Variants in WDR4 observed in about 807,000 individuals in gnomAD.
WDR4 encodes the protein tRNA (guanine-N(7)-)-methyltransferase non-catalytic subunit WDR4.
Under a neutral mutation model 48.6 loss-of-function variants are expected in WDR4, and 47 were observed. That is an observed-to-expected ratio of 0.97 (90% CI 0.77 to 1.23). WDR4 has a LOEUF of 1.23. Among genes scored for constraint, WDR4 ranks in the 50% most tolerant of loss-of-function variants. WDR4 has a pLI of 0.00. For missense variants in WDR4, 606 were observed against 551.6 expected (o/e 1.10, Z -0.99); for synonymous variants, 268 against 230.0 (o/e 1.17, Z -1.49).
At chr21:42,868,668 T>A (rs1235694899) in intron 3 of WDR4, among the ~76,000 whole-genome samples, 2 of 152,214 alleles carry the variant, frequency 1.3e-5, no homozygotes, top group Non-Finnish European at 2.9e-5. Context: ...GCAGCCTAAG[T>A]ACGTGATTTA....
intron 6 of WDR4, 106 bp downstream of exon 6, chr21:42,859,556 A>AACCAGGG: frequency 8.5e-6 from 5 of 587,130 alleles, no homozygotes; most frequent in Non-Finnish European, 1.0e-5. Flanking sequence ...AGCCACAGCC[A>AACCAGGG]GCCAGGGGCC....
intron 3 of WDR4, among the ~76,000 whole-genome samples, chr21:42,867,674 G>C (rs2058279691): frequency 6.6e-6 from 1 of 151,840 alleles, no homozygotes; most frequent in African/African-American, 2.4e-5. Flanking sequence ...GGAGGATTGT[G>C]AATTTCAGAT....
chr21:42,877,498 T>G (rs1601188841), intron 1 of WDR4, among the ~76,000 whole-genome samples: 1 of 152,062 alleles, frequency 6.6e-6, no homozygotes. Context: ...AAGTTGATTT[T>G]TTTTCTCTGT....
chr21:42,849,622 A>C lies in WDR4; in HGVS notation c.*427T>G, dbSNP rs2057765418. 1 of 164,172 alleles carries C rather than the reference A, an allele frequency of 6.1e-6. No individual in the cohort carries two copies. The highest frequency in any genetic ancestry group is 2.4e-5 in the African/African-American group (1 of 41,532). 10.2% of individuals were successfully genotyped at this position (164,172 alleles called of 1,614,324 possible). A position where few individuals can be genotyped will look rare whatever the true frequency, so the allele number is the denominator to read the frequency against. On this transcript the variant is annotated 3_prime_UTR_variant, in exon 11 of 11. Transcript: ENST00000398208. ...TGGCGAGCAGCTACTGCGGGACAGC[A>C]CGTCACCTGGATGCTGAGACGGCGG...
the WDR4 span, among the ~76,000 whole-genome samples, chr21:42,884,729 T>C: frequency 6.3e-4 from 96 of 152,226 alleles, no homozygotes; most frequent in African/African-American, 2.2e-3. Context: ...CAGCACTACA[T>C]TGTGGTTCCA....
rs2057937113 is a variant in WDR4, at chr21:42,854,630, A to C, written c.727-4T>G. ...CAATCCTGGACGCGGCAAACTTCTA[A>C]AAGGAGAAGAAGCCCATTAACTTCA... On this transcript the variant is annotated splice_region_variant and splice_polypyrimidine_tract_variant and intron_variant, in intron 7 of 10. Transcript: ENST00000398208. 6.2e-7 allele frequency: 1 copy of C among 1,613,318 alleles called. No individual in the cohort carries two copies. Among genetic ancestry groups the C allele is most frequent in the Non-Finnish European group, 8.5e-7 (1 of 1,179,764 alleles).
At chr21:42,852,463 T>G (rs1375569863) in intron 9 of WDR4, 139 bp from the exon 10 acceptor site, 9 of 916,354 alleles carry the variant, frequency 9.8e-6, no homozygotes, top group Middle Eastern at 5.1e-4. Context: ...TCACCTTCTG[T>G]GGAGACCTGG....
intron 6 of WDR4, among the ~76,000 whole-genome samples, chr21:42,858,937 G>T (rs545812716): frequency 1.3e-5 from 2 of 152,114 alleles, no homozygotes; most frequent in Non-Finnish European, 2.9e-5. Flanking sequence ...GGTGGTGTGC[G>T]GGCAACAATT....
chr21:42,891,303 G>C, the WDR4 span, among the ~76,000 whole-genome samples: 6 of 151,424 alleles, frequency 4.0e-5, no homozygotes, highest in Non-Finnish European at 7.4e-5. Flanking sequence ...ACTCTAGCCT[G>C]GGCAACAGAG....
chr21:42,880,136 A>AG (rs2058595701), upstream of WDR4, among the ~76,000 whole-genome samples: 2 of 151,860 alleles, frequency 1.3e-5, no homozygotes, highest in African/African-American at 4.8e-5. Flanking sequence ...CTCTCAAAAA[A>AG]AAAAAAAATG....
intron 9 of WDR4, 67 bp from the exon 10 acceptor site, chr21:42,852,391 AACACATGCTGGCC>A: frequency 6.4e-7 from 1 of 1,554,046 alleles, no homozygotes; most frequent in Non-Finnish European, 8.8e-7. Context: ...ACCAGGACGC[AACACATGCTGGCC>A]AGAGAGGCTT....
intron 6 of WDR4, 66 bp downstream of exon 6, chr21:42,859,596 C>CT: frequency 6.4e-6 from 3 of 467,718 alleles, no homozygotes; most frequent in Non-Finnish European, 1.2e-5. Context: ...GTCCAGGAGG[C>CT]GCCCACCCCA....
At chr21:42,843,650 T>C (rs1352541002) in intron 11 of WDR4, among the ~76,000 whole-genome samples, 4 of 151,978 alleles carry the variant, frequency 2.6e-5, no homozygotes, top group Admixed American at 2.6e-4. Context: ...CTCGGCTCAC[T>C]GCAACCTCCG....
At position 42,849,990 on chromosome 21, in the gene WDR4, G is replaced by A. The variant is rs889531335; in HGVS notation, c.*59C>T. 9.4e-6 allele frequency: 15 copies of A among 1,596,112 alleles called. No individual in the cohort carries two copies. The African/African-American group carries it at 1.8e-4, about 19-fold the overall frequency. On this transcript the variant is annotated 3_prime_UTR_variant, in exon 11 of 11. Transcript: ENST00000398208. ...CTTGAAGGGACATGCCAGGATGCAG[G>A]GGAACAAGTTAAAAAGCTTTTCCTA... is the stretch of plus-strand genomic sequence containing the variant.
At position 42,862,318 on chromosome 21, in the gene WDR4, G is replaced by A. The variant is rs1424343125; in HGVS notation, c.530C>T (p.Pro177Leu). 12 of 1,611,476 alleles carry A rather than the reference G, an allele frequency of 7.4e-6. No homozygotes were observed. The highest frequency in any genetic ancestry group is 1.0e-5 in the Non-Finnish European group (12 of 1,179,190). ...CAAGCAGAAGGACTCGATGCTATGG[G>A]GCGCCGCGGCCCAGCTGACTCGGAT... Reference protein sequence around the residue: ...EKIRVSWAAAPHSIESFCLGH... With the variant: ...EKIRVSWAAALHSIESFCLGH... Residue 177 changes from proline (P) to leucine (L), a missense_variant, in exon 5 of 11, where the codon CCC becomes CTC. Coordinates refer to ENST00000398208, the MANE Select transcript of WDR4 (RefSeq NM_018669.6). This position sits in a 1 kb window ranked among gnomAD's most constrained non-coding sequence, Gnocchi z 4.3.
chr21:42,844,704 G>C (rs565039326), downstream of WDR4, among the ~76,000 whole-genome samples: 1 of 152,338 alleles, frequency 6.6e-6, no homozygotes, highest in African/African-American at 2.4e-5. Flanking sequence ...GTGCCAGCGA[G>C]ACTCACCCAG....
upstream of WDR4, among the ~76,000 whole-genome samples, chr21:42,882,886 G>A (rs1441661943): frequency 6.6e-6 from 1 of 152,134 alleles, no homozygotes; most frequent in East Asian, 1.9e-4. Context: ...ATCATCTGAG[G>A]TCAGGAGTTT....
At chr21:42,845,458 C>T (rs1027611594), downstream of WDR4, among the ~76,000 whole-genome samples, 43 of 152,212 alleles carry the variant, frequency 2.8e-4, no homozygotes, top group Admixed American at 1.4e-3. Context: ...CAGTTCTCTG[C>T]CATGGTAACC....
intron 9 of WDR4, among the ~76,000 whole-genome samples, chr21:42,853,339 T>C (rs1349961501): frequency 6.6e-6 from 1 of 152,318 alleles, no homozygotes; most frequent in Non-Finnish European, 1.5e-5. Context: ...AAAAGAACTG[T>C]TGCAGACATC....
Sources: allele counts gnomAD v4.1 joint callset (sites outside exome capture counted in the v4.1 genomes callset), GRCh38; gene constraint gnomAD v4.1.1; non-coding constraint Gnocchi (gnomAD v3.1); transcripts MANE v1.5; gene names NCBI Gene and HGNC (gene_info 2026-07-23, HGNC 2026-07-21).